UNC13C: variants seen among roughly 807,000 people sequenced by gnomAD.
UNC13C encodes unc-13 homolog C, also known as protein unc-13 homolog C.
Under a neutral mutation model 245.4 loss-of-function variants are expected in UNC13C, and 174 were observed. The ratio of observed to expected loss-of-function variants is 0.71; its 90% CI spans 0.63 to 0.80. The LOEUF is 0.80. Among genes scored for constraint, UNC13C ranks in the 30% least tolerant of loss-of-function variants. UNC13C has a pLI of 0.00. For synonymous variants in UNC13C, 992 were observed against 895.1 expected (o/e 1.11, Z -1.93); for missense variants, 2,829 against 2,602.9 (o/e 1.09, Z -1.89).
At position 54,628,279 on chromosome 15, in the gene UNC13C, T is replaced by C. The variant is rs1440830160; in HGVS notation, c.*1166T>C. The C allele has an allele frequency of 6.6e-6, 1 of 152,236 alleles. No homozygotes were observed. Among genetic ancestry groups the C allele is most frequent in the Admixed American group, 6.6e-5 (1 of 15,260 alleles). 9.4% of individuals were successfully genotyped at this position (152,236 alleles called of 1,614,324 possible). A position where few individuals can be genotyped will look rare whatever the true frequency, so the allele number is the denominator to read the frequency against. ...TTATGATTTGACTTTTTAGAGTCTATGCCAAAATATATGGCTGTAAAACAG... is the reference window on the plus strand; with the variant it reads ...TTATGATTTGACTTTTTAGAGTCTACGCCAAAATATATGGCTGTAAAACAG... On this transcript the variant is annotated 3_prime_UTR_variant, in exon 33 of 33. Transcript: ENST00000260323.
intron 19 of UNC13C, among the ~76,000 whole-genome samples, chr15:54,429,342 C>T (rs997798916): frequency 7.3e-5 from 11 of 151,694 alleles, no homozygotes; most frequent in African/African-American, 2.7e-4. Flanking sequence ...CAAGTTAAAG[C>T]ATTATTCTTT....
At chr15:54,341,624 C>T (rs2038733843) in intron 17 of UNC13C, among the ~76,000 whole-genome samples, 1 of 151,970 alleles carries the variant, frequency 6.6e-6, no homozygotes, top group Non-Finnish European at 1.5e-5. Context: ...AATATAGAAA[C>T]CAAATCAAAC....
At position 54,273,358 on chromosome 15, in the gene UNC13C, C is replaced by T. The variant is rs577606972; in HGVS notation, c.3818+7862C>T. ...CTTTCACTGTGTCCCTATCTCCCTCCTTTCCCCGCTTTTCCCTTTCCTCGC... is the reference window on the plus strand; with the variant it reads ...CTTTCACTGTGTCCCTATCTCCCTCTTTTCCCCGCTTTTCCCTTTCCTCGC... On this transcript the variant is annotated intron_variant, in intron 10 of 32. Coordinates refer to ENST00000260323, the MANE Select transcript of UNC13C (RefSeq NM_001080534.3). 2.6e-5 allele frequency among the ~76,000 whole-genome samples: 4 copies of T among 152,242 alleles called. No homozygotes were observed. In the East Asian group the frequency reaches 7.7e-4, roughly 29 times the overall value.
intron 10 of UNC13C, among the ~76,000 whole-genome samples, chr15:54,270,291 A>T (rs1374622199): frequency 6.6e-6 from 1 of 152,156 alleles, no homozygotes; most frequent in Non-Finnish European, 1.5e-5. Context: ...ACTCATCCAT[A>T]CCTTCCCCTC....
chr15:54,527,262 C>G (rs1043211608), intron 25 of UNC13C, among the ~76,000 whole-genome samples: 8 of 152,098 alleles, frequency 5.3e-5, no homozygotes, highest in African/African-American at 1.9e-4. Context: ...GATGAAGAGG[C>G]CTTTGCTGAG....
chr15:54,142,230 T>C (rs12593281), intron 2 of UNC13C, among the ~76,000 whole-genome samples: 150,064 of 152,254 alleles, frequency 0.99, 74,002 homozygotes, highest in Middle Eastern at 1. Context: ...TGTCCATGAG[T>C]AGCTGGACCT....
At chr15:54,312,893 G>A (rs189444093) in intron 13 of UNC13C, among the ~76,000 whole-genome samples, 1 of 151,884 alleles carries the variant, frequency 6.6e-6, no homozygotes, top group African/African-American at 2.4e-5. Context: ...TCTCCATCTA[G>A]CCAGCTGCCT....
the UNC13C span, among the ~76,000 whole-genome samples, chr15:53,874,923 A>G: frequency 6.6e-6 from 1 of 152,086 alleles, no homozygotes. Context: ...GTGAAACCCC[A>G]TCTCTACTAA....
At chr15:54,356,322 T>C (rs1257021403) in intron 17 of UNC13C, among the ~76,000 whole-genome samples, 1 of 152,106 alleles carries the variant, frequency 6.6e-6, no homozygotes, top group Non-Finnish European at 1.5e-5. Flanking sequence ...TCCAAAGGGG[T>C]TTTATTAATT....
At chr15:54,050,957 C>A in intron 2 of UNC13C, 1 of 527,116 alleles carries the variant, frequency 1.9e-6, no homozygotes, top group Non-Finnish European at 3.9e-6. Context: ...CAATTGCTTT[C>A]ATATAGCTGG....
At chr15:54,446,063 T>C (rs1184092833) in intron 19 of UNC13C, among the ~76,000 whole-genome samples, 1 of 152,210 alleles carries the variant, frequency 6.6e-6, no homozygotes, top group Non-Finnish European at 1.5e-5. Context: ...CTTTCCCAAT[T>C]TCTTGTTTTT....
At chr15:54,042,579 TGTGGTGG>T (rs1291879264) in intron 2 of UNC13C, among the ~76,000 whole-genome samples, 8 of 151,954 alleles carry the variant, frequency 5.3e-5, no homozygotes. Flanking sequence ...TGAGGCCGGG[TGTGGTGG>T]GTCACGCCTG....
At chr15:54,451,971 G>T (rs1397174726) in intron 19 of UNC13C, among the ~76,000 whole-genome samples, 1 of 152,142 alleles carries the variant, frequency 6.6e-6, no homozygotes, top group Non-Finnish European at 1.5e-5. Context: ...AGGGAACATT[G>T]GCTTTGATTC....
chr15:54,500,687 T>C, intron 21 of UNC13C, 148 bp from the exon 22 acceptor site: 1 of 641,432 alleles, frequency 1.6e-6, no homozygotes, highest in East Asian at 2.8e-5. Context: ...AAAAGGAGAT[T>C]AATGATTTTA....
chr15:54,445,245 T>C (rs938875852), intron 19 of UNC13C, among the ~76,000 whole-genome samples: 2 of 152,120 alleles, frequency 1.3e-5, no homozygotes, highest in African/African-American at 4.8e-5. Context: ...ATCCAAGTCT[T>C]TGCTATTGTG....
rs192488001 is a variant in UNC13C at position 54,118,833 on chromosome 15, G to A, written c.2984-24185G>A. Among the ~76,000 whole-genome samples the A allele has an allele frequency of 1.2e-3, 184 of 150,100 alleles. 1 individual carries two copies. Among genetic ancestry groups the A allele is most frequent in the Middle Eastern group, 6.9e-3 (2 of 288 alleles). On this transcript the variant is annotated intron_variant, in intron 2 of 32. Coordinates refer to ENST00000260323, the MANE Select transcript of UNC13C (RefSeq NM_001080534.3). Reference sequence around the variant, plus strand: ...GTTTTTTCTATACTCTGTTTGTTGCGGTTTTTATCATGAAGGGACGTTAAA... The same window carrying A: ...GTTTTTTCTATACTCTGTTTGTTGCAGTTTTTATCATGAAGGGACGTTAAA...
chr15:54,485,939 A>G (rs1476473027), intron 19 of UNC13C, among the ~76,000 whole-genome samples: 1 of 152,160 alleles, frequency 6.6e-6, no homozygotes, highest in Non-Finnish European at 1.5e-5. Context: ...AAGGCACTCC[A>G]GGCCCACTTC....
the UNC13C span, among the ~76,000 whole-genome samples, chr15:53,901,900 G>C: frequency 5.3e-3 from 811 of 152,124 alleles, 3 homozygotes; most frequent in Non-Finnish European, 8.4e-3. Flanking sequence ...TATCTCAGCA[G>C]ACCACTTTTT....
chr15:54,142,497 T>C (rs1206724165), intron 2 of UNC13C, among the ~76,000 whole-genome samples: 1 of 152,176 alleles, frequency 6.6e-6, no homozygotes, highest in Non-Finnish European at 1.5e-5. Flanking sequence ...GTAAACTCTA[T>C]GATATGAGAA....
Sources: allele counts gnomAD v4.1 joint callset (sites outside exome capture counted in the v4.1 genomes callset), GRCh38; gene constraint gnomAD v4.1.1; transcripts MANE v1.5; gene names NCBI Gene and HGNC (gene_info 2026-07-23, HGNC 2026-07-21).